Variants in XRCC1 observed in about 807,000 individuals in gnomAD.
The protein encoded by XRCC1 is DNA repair protein XRCC1.
Under a neutral mutation model 83.3 loss-of-function variants are expected in XRCC1, and 52 were observed. The observed-to-expected ratio is 0.62, with a 90% CI of 0.50 to 0.79. The LOEUF is 0.79. XRCC1 is among the 30% of genes least tolerant of loss of function. The pLI is 0.00. For synonymous variants in XRCC1, 281 were observed against 312.6 expected (o/e 0.90, Z 1.07); for missense variants, 793 against 823.5 (o/e 0.96, Z 0.45).
chr19:43,567,437 G>A (rs1004550032), intron 2 of XRCC1, among the ~76,000 whole-genome samples: 29 of 151,764 alleles, frequency 1.9e-4, no homozygotes, highest in African/African-American at 6.8e-4. Context: ...TCAGCCTCCC[G>A]AATAGCTGGG....
Position 43,575,472 on chromosome 19 carries a change from G to T in XRCC1, c.-14C>A. On this transcript the variant is annotated 5_prime_UTR_variant, in exon 1 of 17. Coordinates refer to ENST00000262887, the MANE Select transcript of XRCC1 (RefSeq NM_006297.3). Reference sequence around the variant, plus strand: ...GATCTCCGGCATGTCAACGTCGTGGGCTTCGCCTGGCCAGAAGGATGAGGT... The same window carrying T: ...GATCTCCGGCATGTCAACGTCGTGGTCTTCGCCTGGCCAGAAGGATGAGGT... The T allele has an allele frequency of 6.2e-7, 1 of 1,611,974 alleles. No individual in the cohort carries two copies. Among genetic ancestry groups the T allele is most frequent in the Non-Finnish European group, 8.5e-7 (1 of 1,178,588 alleles).
chr19:43,552,364 G>T, intron 8 of XRCC1, 89 bp from the exon 9 acceptor site: 2 of 961,520 alleles, frequency 2.1e-6, no homozygotes, highest in African/African-American at 2.0e-5. Context: ...CCAGGCCCCA[G>T]ACCCTCCTCC....
chr19:43,574,050 G>T (rs930291891), intron 2 of XRCC1, among the ~76,000 whole-genome samples: 1 of 151,870 alleles, frequency 6.6e-6, no homozygotes, highest in Non-Finnish European at 1.5e-5. Flanking sequence ...GACAGGTAAC[G>T]TTGAATAATG....
chr19:43,547,021 T>A lies in XRCC1; in HGVS notation c.1200-44A>T, dbSNP rs777941435. The A allele has an allele frequency of 8.8e-6, 14 of 1,592,168 alleles. 1 individual carries two copies. The South Asian group carries it at 1.5e-4, about 18-fold the overall frequency. On this transcript the variant is annotated intron_variant, in intron 10 of 16. Transcript: ENST00000262887. ...CTCAGACAAACAGGCCCAAGGGAAG[T>A]GGGGAGGGCGTTCAGGAGGCAACAG...
chr19:43,574,050 G>A (rs930291891), intron 2 of XRCC1, among the ~76,000 whole-genome samples: 2 of 151,870 alleles, frequency 1.3e-5, no homozygotes, highest in Admixed American at 6.6e-5. Context: ...GACAGGTAAC[G>A]TTGAATAATG....
rs1433626320 is a variant in XRCC1, at chr19:43,543,390, C to G, written c.*2G>C. The G allele has an allele frequency of 5.1e-6, 8 of 1,561,342 alleles. No homozygotes were observed. The East Asian group carries it at 1.3e-4, about 26-fold the overall frequency. ...TGTGTGTGTGTGTGTATAGCACATA[C>G]TTCAGGCTTGCGGCACCACCCCATA... is the stretch of plus-strand genomic sequence containing the variant. On this transcript the variant is annotated 3_prime_UTR_variant, in exon 17 of 17. Transcript: ENST00000262887.
chr19:43,571,231 C>T (rs1800782900), intron 2 of XRCC1, among the ~76,000 whole-genome samples: 1 of 152,224 alleles, frequency 6.6e-6, no homozygotes, highest in African/African-American at 2.4e-5. Flanking sequence ...GCTGACTCCA[C>T]CCCAGCCATA....
Position 43,553,097 on chromosome 19 carries a change from A to G in XRCC1, c.602-6T>C. 6.4e-7 allele frequency: 1 copy of G among 1,561,032 alleles called. No homozygotes were observed. The highest frequency in any genetic ancestry group is 8.7e-7 in the Non-Finnish European group (1 of 1,152,396). On this transcript the variant is annotated splice_region_variant and splice_polypyrimidine_tract_variant and intron_variant, in intron 6 of 16. Coordinates refer to ENST00000262887, the MANE Select transcript of XRCC1 (RefSeq NM_006297.3). ...TGCTGGGTCGCTGGCTGTGACTATG[A>G]AGGGAGAAAGTGGATCCAGGATGAG...
At chr19:43,565,723 G>T (rs1972745639) in intron 2 of XRCC1, among the ~76,000 whole-genome samples, 1 of 152,190 alleles carries the variant, frequency 6.6e-6, no homozygotes, top group Non-Finnish European at 1.5e-5. Flanking sequence ...ATCACTTGAG[G>T]CCAGGAGTTC....
In XRCC1 at chr19:43,552,663, C is replaced by T; in HGVS notation, c.823+134G>A. 8.2e-6 allele frequency: 7 copies of T among 858,406 alleles called. No individual in the cohort carries two copies. The South Asian group carries it at 1.1e-4, about 14-fold the overall frequency. 53.2% of individuals were successfully genotyped at this position (858,406 alleles called of 1,614,324 possible). ...ATTCAGGAATCCAGGCCCCCAGCCC[C>T]TCCTCCCTCAGACCCAGGGGTCCAG... On this transcript the variant is annotated intron_variant, in intron 8 of 16. Transcript: ENST00000262887.
intron 2 of XRCC1, among the ~76,000 whole-genome samples, chr19:43,566,905 A>ATATACAT (rs1414398481): frequency 6.7e-6 from 1 of 150,092 alleles, no homozygotes; most frequent in Non-Finnish European, 1.5e-5. Flanking sequence ...AAAGGTTTAT[A>ATATACAT]TATACATGGT....
intron 3 of XRCC1, among the ~76,000 whole-genome samples, chr19:43,557,354 T>G (rs1972648947): frequency 6.7e-6 from 1 of 149,564 alleles, no homozygotes; most frequent in African/African-American, 2.4e-5. Flanking sequence ...CACTTTTGGT[T>G]GGGTATATTT....
At chr19:43,569,469 C>A in intron 2 of XRCC1, among the ~76,000 whole-genome samples, 1 of 121,800 alleles carries the variant, frequency 8.2e-6, no homozygotes, top group East Asian at 2.4e-4. Flanking sequence ...TAGTGAGACC[C>A]TGTCTCAAAA....
chr19:43,561,774 G>C (rs1183430458), intron 2 of XRCC1, among the ~76,000 whole-genome samples: 4 of 152,208 alleles, frequency 2.6e-5, no homozygotes, highest in Admixed American at 1.3e-4. Flanking sequence ...GGGCCATGCG[G>C]GCACGGGAGG....
chr19:43,561,140 C>G, intron 2 of XRCC1, 120 bp from the exon 3 acceptor site: 4 of 797,704 alleles, frequency 5.0e-6, no homozygotes, highest in Non-Finnish European at 8.6e-6. Flanking sequence ...TGTGAGGGGG[C>G]ACACCAGGGT....
At chr19:43,553,140 C>T (rs745429409) in intron 6 of XRCC1, 49 bp from the exon 7 acceptor site, 16 of 1,510,988 alleles carry the variant, frequency 1.1e-5, no homozygotes, top group Admixed American at 9.9e-5. Context: ...AGCCCCAAGA[C>T]CCTTTCACTC....
chr19:43,551,951 G>T, intron 9 of XRCC1, 66 bp downstream of exon 9: 1 of 1,552,572 alleles, frequency 6.4e-7, no homozygotes, highest in South Asian at 1.1e-5. Flanking sequence ...GAAAGCACAA[G>T]GTGGAGGAGA....
chr19:43,568,694 C>G (rs1600059710), intron 2 of XRCC1, among the ~76,000 whole-genome samples: 1 of 149,128 alleles, frequency 6.7e-6, no homozygotes, highest in African/African-American at 2.5e-5. Context: ...CCCAGGAAGA[C>G]CACCCAAAAA....
At chr19:43,552,417 C>G in intron 8 of XRCC1, 142 bp from the exon 9 acceptor site, 2 of 638,314 alleles carry the variant, frequency 3.1e-6, no homozygotes, top group Non-Finnish European at 5.2e-6. Context: ...CCCCCTCAGA[C>G]CCAGGGGTCC....
Sources: allele counts gnomAD v4.1 joint callset (sites outside exome capture counted in the v4.1 genomes callset), GRCh38; gene constraint gnomAD v4.1.1; transcripts MANE v1.5; gene names NCBI Gene and HGNC (gene_info 2026-07-23, HGNC 2026-07-21).